The following LRP1B variants were observed in gnomAD, a reference collection of about 807,000 sequenced individuals.
LRP1B encodes the protein low-density lipoprotein receptor-related protein 1B.
LRP1B carries 217 observed loss-of-function variants against 556.6 expected under a neutral mutation model. The observed-to-expected ratio is 0.39, with a 90% CI of 0.35 to 0.44. The LOEUF (loss-of-function observed/expected upper bound fraction) is 0.44, where lower values mean the gene tolerates loss of function less well. LRP1B is among the 20% of genes least tolerant of loss of function. LRP1B has a pLI of 1.00. For missense variants in LRP1B, 5,053 were observed against 5,620.8 expected, an observed-to-expected ratio of 0.90 and a Z score of 3.23; for synonymous variants, 2,047 against 1,865.8, an observed-to-expected ratio of 1.10 and a Z score of -2.50.
intron 1 of LRP1B, among the ~76,000 whole-genome samples, chr2:141,888,722 G>T (rs1190885042): frequency 1.3e-5 from 2 of 152,162 alleles, no homozygotes; most frequent in Non-Finnish European, 2.9e-5. Flanking sequence ...GGGGATTAGA[G>T]CAGAGAGAGT....
rs772472942 is a variant in LRP1B at position 141,517,029 on chromosome 2, A to AAAAAAAAAAAAAAAAAAAAAAAAAAAAAC, written c.206-36497_206-36496insGTTTTTTTTTTTTTTTTTTTTTTTTTTTT. 2.2e-5 allele frequency among the ~76,000 whole-genome samples: 2 copies of AAAAAAAAAAAAAAAAAAAAAAAAAAAAAC among 90,192 alleles called. 1 individual carries two copies. Among genetic ancestry groups the AAAAAAAAAAAAAAAAAAAAAAAAAAAAAC allele is most frequent in the Non-Finnish European group, 4.3e-5 (2 of 46,912 alleles). The allele number at this position is 90,192 out of a possible 152,430, so 59.2% of individuals were successfully genotyped here. ...TAAAAAAAAAAAAAAAAAAAAAAAA[A>AAAAAAAAAAAAAAAAAAAAAAAAAAAAAC]AAAGTAAATCAATGAAATAATTTAA... On this transcript the variant is annotated intron_variant, in intron 2 of 90. Coordinates refer to ENST00000389484, the MANE Select transcript of LRP1B (RefSeq NM_018557.3).
chr2:142,001,557 T>C (rs534081617), intron 1 of LRP1B, among the ~76,000 whole-genome samples: 73 of 152,290 alleles, frequency 4.8e-4, no homozygotes, highest in African/African-American at 1.7e-3. Flanking sequence ...AAGGATAACC[T>C]GCCACGCACA....
chr2:141,959,139 G>GAAGCTGGCA (rs149913790), intron 1 of LRP1B, among the ~76,000 whole-genome samples: 1,778 of 151,968 alleles, frequency 0.012, 38 homozygotes, highest in African/African-American at 0.041. Context: ...TCTGTCTTTT[G>GAAGCTGGCA]AAGCTGGCAA....
chr2:141,318,164 C>T (rs1687098414), intron 3 of LRP1B, among the ~76,000 whole-genome samples: 1 of 152,126 alleles, frequency 6.6e-6, no homozygotes, highest in Non-Finnish European at 1.5e-5. Context: ...ATTCACTTGA[C>T]AAACATTAGA....
intron 2 of LRP1B, among the ~76,000 whole-genome samples, chr2:141,544,402 C>T (rs751592897): frequency 0.024 from 1,716 of 70,956 alleles, 80 homozygotes; most frequent in Admixed American, 0.031. Context: ...TCCTCCTCCT[C>T]CTCCTCCTCC....
At chr2:142,029,504 A>C (rs182504605) in intron 1 of LRP1B, among the ~76,000 whole-genome samples, 98 of 152,004 alleles carry the variant, frequency 6.4e-4, no homozygotes, top group Admixed American at 1.8e-3. Context: ...ATTTACTCTC[A>C]AATTATTTCT....
At chr2:141,718,700 C>T (rs565038200) in intron 2 of LRP1B, among the ~76,000 whole-genome samples, 1 of 152,232 alleles carries the variant, frequency 6.6e-6, no homozygotes, top group East Asian at 1.9e-4. Context: ...AAATAAAGAA[C>T]ATCCCGTTAA....
intron 41 of LRP1B, among the ~76,000 whole-genome samples, chr2:140,698,921 C>T (rs1013794403): frequency 2.6e-5 from 4 of 152,046 alleles, no homozygotes; most frequent in African/African-American, 9.7e-5. Flanking sequence ...TTATGCAATA[C>T]TCCCAAATCA....
rs1415545134 is a variant in LRP1B at position 141,905,978 on chromosome 2, GGACTA to G, written c.83-95582_83-95578del. 3.0e-5 allele frequency among the ~76,000 whole-genome samples: 4 copies of G among 132,904 alleles called. No homozygotes were observed. In the East Asian group the frequency reaches 7.4e-4, roughly 25 times the overall value. The allele number at this position is 132,904 out of a possible 152,430, so 87.2% of individuals were successfully genotyped here. On this transcript the variant is annotated intron_variant, in intron 1 of 90. Transcript: ENST00000389484. ...TCTCTGTGTATATACATCTCTAAGA[GGACTA>G]GACAAGAGATGTGTGTGTGTGTGTG...
Position 141,074,685 on chromosome 2 carries a change from T to G in LRP1B, c.1014-12412A>C, listed in dbSNP as rs534505367. 3.3e-5 allele frequency among the ~76,000 whole-genome samples: 5 copies of G among 150,488 alleles called. No homozygotes were observed. In the South Asian group the frequency reaches 1.0e-3, roughly 31 times the overall value. ...GGCCTTTGACAGGCTCTTTATAAAT[T>G]TCCTCATATGGGAATCATAAGATAT... On this transcript the variant is annotated intron_variant, in intron 7 of 90. Coordinates refer to ENST00000389484, the MANE Select transcript of LRP1B (RefSeq NM_018557.3).
At chr2:140,655,694 G>A (rs1205516530) in intron 41 of LRP1B, among the ~76,000 whole-genome samples, 1 of 152,190 alleles carries the variant, frequency 6.6e-6, no homozygotes, top group Non-Finnish European at 1.5e-5. Context: ...TGCAATCCCA[G>A]CACTTTGGGG....
chr2:141,933,687 G>T (rs548746294), intron 1 of LRP1B, among the ~76,000 whole-genome samples: 2 of 152,048 alleles, frequency 1.3e-5, no homozygotes, highest in Admixed American at 1.3e-4. Flanking sequence ...CTAATAAAAT[G>T]ATTAAAAACA....
intron 3 of LRP1B, among the ~76,000 whole-genome samples, chr2:141,433,686 C>T (rs190834617): frequency 1.1e-3 from 170 of 151,600 alleles, no homozygotes; most frequent in Middle Eastern, 6.9e-3. Flanking sequence ...CACCTTACTG[C>T]TTTCAAGATT....
At chr2:141,657,568 G>A (rs1690059174) in intron 2 of LRP1B, among the ~76,000 whole-genome samples, 1 of 151,612 alleles carries the variant, frequency 6.6e-6, no homozygotes. Context: ...TGTCATCATT[G>A]TTTCAATTAT....
In LRP1B at chr2:142,116,219, T is replaced by A. The variant is rs953452636; in HGVS notation, c.82+14429A>T. ...AAAAAAAAAAAAAAAAAAAAAAGAA[T>A]GAGAAAGATATCACCTCACTCAATT... On this transcript the variant is annotated intron_variant, in intron 1 of 90. Transcript: ENST00000389484. 3.0e-3 allele frequency among the ~76,000 whole-genome samples: 352 copies of A among 117,674 alleles called. 10 individuals carry two copies. The highest frequency in any genetic ancestry group is 8.3e-3 in the African/African-American group (244 of 29,336). 77.2% of individuals were successfully genotyped at this position (117,674 alleles called of 152,430 possible). A position where few individuals can be genotyped will look rare whatever the true frequency, so the allele number is the denominator to read the frequency against.
chr2:141,943,741 T>G (rs1700881487), intron 1 of LRP1B, among the ~76,000 whole-genome samples: 1 of 152,116 alleles, frequency 6.6e-6, no homozygotes, highest in South Asian at 2.1e-4. Flanking sequence ...TCTTAATACA[T>G]GACTTGAAGT....
chr2:140,356,583 C>G, intron 74 of LRP1B, 107 bp from the exon 75 acceptor site: 1 of 720,286 alleles, frequency 1.4e-6, no homozygotes, highest in South Asian at 1.9e-5. Flanking sequence ...ACAGATAACT[C>G]TTTTTGAATG....
chr2:141,563,705 G>A (rs1425875049), intron 2 of LRP1B, among the ~76,000 whole-genome samples: 2 of 152,034 alleles, frequency 1.3e-5, no homozygotes, highest in African/African-American at 4.8e-5. Flanking sequence ...AAGAAAGAAC[G>A]AGATCATGTC....
chr2:141,767,391 A>C (rs1694762835), intron 2 of LRP1B, among the ~76,000 whole-genome samples: 1 of 152,046 alleles, frequency 6.6e-6, no homozygotes, highest in African/African-American at 2.4e-5. Context: ...AAGCAGGAGA[A>C]AGCATGTAAT....
Sources: allele counts gnomAD v4.1 joint callset (sites outside exome capture counted in the v4.1 genomes callset), GRCh38; gene constraint gnomAD v4.1.1; transcripts MANE v1.5; gene names NCBI Gene and HGNC (gene_info 2026-07-23, HGNC 2026-07-21).